CACNG3: variants seen among roughly 807,000 people sequenced by gnomAD.
CACNG3 encodes the protein calcium voltage-gated channel auxiliary subunit gamma 3.
A neutral mutation model predicts 28.5 loss-of-function variants in CACNG3; 3 were observed. That is an observed-to-expected ratio of 0.11 (90% CI 0.05 to 0.27). The LOEUF is 0.27. Ranked by LOEUF, CACNG3 falls within the 10% of genes least tolerant of loss-of-function variation. CACNG3 has a pLI of 1.00. For synonymous variants in CACNG3, 174 were observed against 162.2 expected (o/e 1.07, Z -0.55); for missense variants, 236 against 414.4 (o/e 0.57, Z 3.74).
At chr16:24,308,878 A>C (rs151338522) in intron 1 of CACNG3, among the ~76,000 whole-genome samples, 2,831 of 151,250 alleles carry the variant, frequency 0.019, 31 homozygotes, top group Non-Finnish European at 0.03. Context: ...GAAAAGAAAA[A>C]AGAAAAAGAT....
intron 1 of CACNG3, among the ~76,000 whole-genome samples, chr16:24,295,524 G>A (rs1325797143): frequency 6.6e-6 from 1 of 152,152 alleles, no homozygotes; most frequent in African/African-American, 2.4e-5. Flanking sequence ...TTCTGAGTAT[G>A]TTTTATGCAT....
chr16:24,327,729 G>A (rs554654103), intron 1 of CACNG3, among the ~76,000 whole-genome samples: 1 of 151,918 alleles, frequency 6.6e-6, no homozygotes, highest in East Asian at 2.0e-4. Context: ...ATCGCTTGAG[G>A]CCAAGAGTTC....
At chr16:24,285,775 T>G (rs1006039670) in intron 1 of CACNG3, among the ~76,000 whole-genome samples, 7 of 151,736 alleles carry the variant, frequency 4.6e-5, no homozygotes, top group African/African-American at 9.7e-5. Context: ...GATGTTAGCC[T>G]GCCAGTTGCT....
At chr16:24,270,549 CTT>C (rs1202462884) in intron 1 of CACNG3, among the ~76,000 whole-genome samples, 1 of 152,202 alleles carries the variant, frequency 6.6e-6, no homozygotes, top group Non-Finnish European at 1.5e-5. Context: ...CTTTTTCACT[CTT>C]TGGTGAGTGA....
chr16:24,292,679 T>A (rs1014776954), intron 1 of CACNG3, among the ~76,000 whole-genome samples: 5 of 152,174 alleles, frequency 3.3e-5, no homozygotes, highest in African/African-American at 1.2e-4. Context: ...CACAAATCTA[T>A]ATTCAGTTTC....
intron 1 of CACNG3, among the ~76,000 whole-genome samples, chr16:24,280,022 A>C (rs1175345976): frequency 6.6e-6 from 1 of 152,222 alleles, no homozygotes. Flanking sequence ...GAAACAGTCA[A>C]ACATGTACAT....
intron 1 of CACNG3, among the ~76,000 whole-genome samples, chr16:24,331,146 G>A (rs1366906325): frequency 6.6e-6 from 1 of 152,126 alleles, no homozygotes; most frequent in Non-Finnish European, 1.5e-5. Context: ...AACATGCCCT[G>A]TGGTCTAGGC....
intron 1 of CACNG3, among the ~76,000 whole-genome samples, chr16:24,327,189 CTT>C: frequency 8.4e-6 from 1 of 118,890 alleles, no homozygotes; most frequent in Non-Finnish European, 1.7e-5. Context: ...GAAAAGAAGA[CTT>C]GGGCTCAGAG....
intron 3 of CACNG3, among the ~76,000 whole-genome samples, chr16:24,360,976 T>A (rs970810543): frequency 2.0e-5 from 3 of 152,236 alleles, no homozygotes; most frequent in African/African-American, 7.2e-5. Context: ...TTGCTACTAA[T>A]GGTAAAGAAT....
At chr16:24,281,530 G>T (rs1370951549) in intron 1 of CACNG3, among the ~76,000 whole-genome samples, 1 of 152,110 alleles carries the variant, frequency 6.6e-6, no homozygotes, top group Admixed American at 6.5e-5. Flanking sequence ...CTTGAATCCA[G>T]CATAACAGCA....
intron 1 of CACNG3, among the ~76,000 whole-genome samples, chr16:24,324,297 T>C (rs1441104224): frequency 6.6e-6 from 1 of 152,204 alleles, no homozygotes; most frequent in East Asian, 1.9e-4. Flanking sequence ...CAGGTGTGTG[T>C]GAATATAACT....
At chr16:24,262,506 T>C (rs919260837) in intron 1 of CACNG3, among the ~76,000 whole-genome samples, 3 of 152,200 alleles carry the variant, frequency 2.0e-5, no homozygotes, top group African/African-American at 7.2e-5. Flanking sequence ...GCCCAAGTCT[T>C]TCACCAACTC....
At chr16:24,261,409 C>A in intron 1 of CACNG3, among the ~76,000 whole-genome samples, 1 of 152,014 alleles carries the variant, frequency 6.6e-6, no homozygotes. Context: ...AAGTGTGGCC[C>A]AATATTCCAA....
chr16:24,328,817 C>T (rs2238518), intron 1 of CACNG3, among the ~76,000 whole-genome samples: 81,978 of 151,794 alleles, frequency 0.54, 22,786 homozygotes, highest in South Asian at 0.7. Context: ...AGGCGGGCAT[C>T]GTGTGCCCAT....
intron 1 of CACNG3, among the ~76,000 whole-genome samples, chr16:24,270,886 G>A (rs1414191151): frequency 6.6e-6 from 1 of 152,216 alleles, no homozygotes; most frequent in Non-Finnish European, 1.5e-5. Flanking sequence ...AAAGCCAAGT[G>A]GCTCACTGGG....
intron 1 of CACNG3, among the ~76,000 whole-genome samples, chr16:24,319,933 G>A (rs144840956): frequency 1.8e-4 from 28 of 152,178 alleles, no homozygotes; most frequent in African/African-American, 5.1e-4. Context: ...ACCATGCCCC[G>A]CTAATTTTTG....
At chr16:24,274,261 A>G (rs959138545) in intron 1 of CACNG3, among the ~76,000 whole-genome samples, 29 of 151,882 alleles carry the variant, frequency 1.9e-4, no homozygotes, top group African/African-American at 6.5e-4. Flanking sequence ...GAGATCAGCC[A>G]CATATGGCTG....
chr16:24,345,654 C>T (rs1899853521), intron 1 of CACNG3, among the ~76,000 whole-genome samples: 1 of 152,190 alleles, frequency 6.6e-6, no homozygotes, highest in African/African-American at 2.4e-5. Context: ...GAGCCGAGAT[C>T]GTGCCATTGC....
At chr16:24,269,774 GA>G (rs1555458363) in intron 1 of CACNG3, among the ~76,000 whole-genome samples, 1 of 132,308 alleles carries the variant, frequency 7.6e-6, no homozygotes, top group Non-Finnish European at 1.6e-5. Flanking sequence ...AAAAGAGAAA[GA>G]AGAAAGAAAG....
Sources: gnomAD v4.1 joint callset for allele counts (sites outside exome capture counted in the v4.1 genomes callset) on GRCh38, gnomAD v4.1.1 for gene constraint, MANE v1.5 for transcripts, NCBI Gene and HGNC (gene_info 2026-07-23, HGNC 2026-07-21) for gene names.